Variants in TMTC2 observed in about 807,000 individuals in gnomAD.
TMTC2 encodes the protein protein O-mannosyl-transferase TMTC2.
TMTC2 carries 43 observed loss-of-function variants against 82.4 expected under a neutral mutation model. The observed-to-expected ratio is 0.52, with a 90% confidence interval of 0.41 to 0.67. The LOEUF (loss-of-function observed/expected upper bound fraction) is 0.67. Among genes scored for constraint, TMTC2 ranks in the 30% least tolerant of loss-of-function variants. The pLI, the probability that TMTC2 is intolerant of heterozygous loss-of-function variation, is 0.00. For missense variants in TMTC2, 919 were observed against 1,012.4 expected (o/e 0.91, Z 1.25); for synonymous variants, 408 against 381.9 (o/e 1.07, Z -0.80).
chr12:82,990,677 G>A (rs1029942319), intron 8 of TMTC2, among the ~76,000 whole-genome samples: 1 of 151,854 alleles, frequency 6.6e-6, no homozygotes, highest in African/African-American at 2.4e-5. Context: ...TGGGGCAGGG[G>A]GTGAGTCTTT....
In TMTC2 at chr12:82,920,815, T is replaced by C. The variant is rs553542627; in HGVS notation, c.1484-9616T>C. On this transcript the variant is annotated intron_variant, in intron 3 of 11. Coordinates refer to ENST00000321196, the MANE Select transcript of TMTC2 (RefSeq NM_152588.3). ...TACTTATTAAACAATGCTTATTAAA[T>C]CTCTGTCACATGTAAAGTATCTTCA... Among the ~76,000 whole-genome samples the C allele has an allele frequency of 7.4e-4, 112 of 152,282 alleles. 3 individuals carry two copies. The South Asian group carries it at 0.022, about 30-fold the overall frequency.
At chr12:82,722,664 C>T (rs1326413981) in intron 1 of TMTC2, among the ~76,000 whole-genome samples, 5 of 151,126 alleles carry the variant, frequency 3.3e-5, no homozygotes, top group Non-Finnish European at 7.4e-5. Context: ...ATCACTTGAA[C>T]CTGGGAGGCA....
At chr12:82,856,873 G>A (rs1017882617) in intron 1 of TMTC2, 137 bp from the exon 2 acceptor site, 2 of 824,060 alleles carry the variant, frequency 2.4e-6, no homozygotes, top group Non-Finnish European at 3.8e-6. Context: ...CATGAATTCA[G>A]CTTATATGTG....
intron 10 of TMTC2, among the ~76,000 whole-genome samples, chr12:83,053,077 G>A (rs1056640943): frequency 2.0e-5 from 3 of 152,126 alleles, no homozygotes; most frequent in African/African-American, 7.2e-5. Flanking sequence ...TTTCTTATCA[G>A]TTGAGAACAT....
intron 4 of TMTC2, among the ~76,000 whole-genome samples, chr12:82,946,500 T>A (rs1565822306): frequency 6.6e-6 from 1 of 152,198 alleles, no homozygotes; most frequent in Non-Finnish European, 1.5e-5. Context: ...TCTCCATTGC[T>A]TTTAATCATT....
chr12:82,758,418 C>G (rs2136976176), intron 1 of TMTC2: 1 of 152,172 alleles, frequency 6.6e-6, no homozygotes, highest in Non-Finnish European at 1.5e-5. Context: ...CTCACAATAT[C>G]AAAAAATGGT....
At chr12:82,761,179 T>A (rs1456647634) in intron 1 of TMTC2, among the ~76,000 whole-genome samples, 1 of 152,208 alleles carries the variant, frequency 6.6e-6, no homozygotes, top group Non-Finnish European at 1.5e-5. Flanking sequence ...AGGAGCAGTG[T>A]GATCTTGATC....
At chr12:82,925,820 AT>A (rs1211977567) in intron 3 of TMTC2, among the ~76,000 whole-genome samples, 2 of 152,132 alleles carry the variant, frequency 1.3e-5, no homozygotes, top group South Asian at 4.1e-4. Context: ...AAATATTGAA[AT>A]TAGGCTAATT....
intron 1 of TMTC2, among the ~76,000 whole-genome samples, chr12:82,795,648 GA>G (rs1043055345): frequency 1.3e-5 from 2 of 150,718 alleles, no homozygotes; most frequent in African/African-American, 2.4e-5. Flanking sequence ...ATGACCCTTA[GA>G]AAAAAAAAGG....
At chr12:83,068,736 GT>G (rs1218478525) in intron 11 of TMTC2, among the ~76,000 whole-genome samples, 1 of 151,874 alleles carries the variant, frequency 6.6e-6, no homozygotes, top group Non-Finnish European at 1.5e-5. Flanking sequence ...TTTTCCATAA[GT>G]TGGGGTACAG....
intron 1 of TMTC2, among the ~76,000 whole-genome samples, chr12:82,688,647 G>T (rs992450561): frequency 5.9e-5 from 9 of 152,178 alleles, no homozygotes; most frequent in African/African-American, 1.4e-4. Flanking sequence ...AGCACGCCTG[G>T]CTAAACTTAT....
intron 11 of TMTC2, among the ~76,000 whole-genome samples, chr12:83,073,764 A>G (rs1883192823): frequency 6.6e-6 from 1 of 151,868 alleles, no homozygotes; most frequent in Non-Finnish European, 1.5e-5. Context: ...GTTCAATTTT[A>G]TTGCTGAGAA....
At chr12:83,040,232 C>T (rs893252768) in intron 9 of TMTC2, among the ~76,000 whole-genome samples, 4 of 152,200 alleles carry the variant, frequency 2.6e-5, no homozygotes, top group African/African-American at 9.6e-5. Context: ...GACACCCCAG[C>T]TCACAATATC....
intron 1 of TMTC2, chr12:82,759,442 C>T (rs1011404230): frequency 6.6e-6 from 1 of 152,098 alleles, no homozygotes; most frequent in Non-Finnish European, 1.5e-5. Flanking sequence ...TATTTTCTCT[C>T]TATGAAAAAT....
At chr12:82,703,440 ACTTTTT>A (rs1435397095) in intron 1 of TMTC2, among the ~76,000 whole-genome samples, 2 of 151,668 alleles carry the variant, frequency 1.3e-5, no homozygotes, top group African/African-American at 2.4e-5. Context: ...AATTGGATAA[ACTTTTT>A]CTTTGTGGGG....
chr12:82,895,591 G>A lies in TMTC2; in HGVS notation c.655-227G>A, dbSNP rs80049030. The stretch of plus-strand genomic sequence containing the variant: ...TTTTAGAGAGAAAAAAATAAGAAAA[G>A]ATAATCAAAAAATATATACAAACTA... On this transcript the variant is annotated intron_variant, in intron 2 of 11. Transcript: ENST00000321196. Among the ~76,000 whole-genome samples, 1,295 of 152,118 alleles carry A rather than the reference G, an allele frequency of 8.5e-3. 41 individuals carry two copies. The East Asian group carries it at 0.11, about 12-fold the overall frequency.
chr12:82,713,324 A>G (rs1170269269), intron 1 of TMTC2, among the ~76,000 whole-genome samples: 1 of 151,298 alleles, frequency 6.6e-6, no homozygotes, highest in Non-Finnish European at 1.5e-5. Flanking sequence ...TCAAAAAAAA[A>G]AGAAAAACAA....
chr12:82,985,739 G>T (rs1879126308), intron 7 of TMTC2, among the ~76,000 whole-genome samples, 186 bp from the exon 8 acceptor site: 1 of 152,094 alleles, frequency 6.6e-6, no homozygotes, highest in Non-Finnish European at 1.5e-5. Context: ...CCAAACACAT[G>T]ATTTTTCATC....
chr12:82,814,338 G>T (rs890416983), intron 1 of TMTC2, among the ~76,000 whole-genome samples: 2 of 152,136 alleles, frequency 1.3e-5, no homozygotes, highest in Admixed American at 6.6e-5. Context: ...AGGCATAAAA[G>T]AATGAGATGG....
Sources: allele counts gnomAD v4.1 joint callset (sites outside exome capture counted in the v4.1 genomes callset), GRCh38; gene constraint gnomAD v4.1.1; transcripts MANE v1.5; gene names NCBI Gene and HGNC (gene_info 2026-07-23, HGNC 2026-07-21).